Variants in NDUFA13 observed in about 807,000 individuals in gnomAD.
NDUFA13 encodes NADH dehydrogenase [ubiquinone] 1 alpha subcomplex subunit 13.
Under a neutral mutation model 17.0 loss-of-function variants are expected in NDUFA13, and 16 were observed. The ratio of observed to expected loss-of-function variants is 0.94; its 90% CI spans 0.64 to 1.43. The LOEUF is 1.43. Ranked by LOEUF, NDUFA13 falls within the 40% of genes most tolerant of loss-of-function variation. NDUFA13 has a pLI of 0.00. For missense variants in NDUFA13, 228 were observed against 206.7 expected (o/e 1.10, Z -0.63); for synonymous variants, 87 against 78.4 (o/e 1.11, Z -0.58).
intron 3 of NDUFA13, 164 bp downstream of exon 3, chr19:19,527,516 C>T (rs1047942738): frequency 1.7e-4 from 173 of 1,013,450 alleles, no homozygotes; most frequent in Non-Finnish European, 2.4e-4. Flanking sequence ...CCCAAGGGGG[C>T]GAACCGGAAG....
At chr19:19,523,262 C>T (rs2061086305) in intron 1 of NDUFA13, among the ~76,000 whole-genome samples, 1 of 152,158 alleles carries the variant, frequency 6.6e-6, no homozygotes, top group Non-Finnish European at 1.5e-5. Flanking sequence ...TTCTTGAACA[C>T]AGGATGGGTT....
At chr19:19,518,667 G>C (rs1228829223) in intron 1 of NDUFA13, among the ~76,000 whole-genome samples, 1 of 147,528 alleles carries the variant, frequency 6.8e-6, no homozygotes, top group Middle Eastern at 3.4e-3. Flanking sequence ...AGGTTCAAGC[G>C]ATTCTCCTCC....
chr19:19,520,334 G>A (rs1009912470), intron 1 of NDUFA13, among the ~76,000 whole-genome samples: 3 of 152,100 alleles, frequency 2.0e-5, no homozygotes, highest in Non-Finnish European at 2.9e-5. Flanking sequence ...CCCATTTAAA[G>A]TCTGTCCAAT....
chr19:19,518,516 C>A (rs370927450), intron 1 of NDUFA13, among the ~76,000 whole-genome samples: 15 of 150,982 alleles, frequency 9.9e-5, no homozygotes, highest in African/African-American at 3.2e-4. Flanking sequence ...ATTGCAGGCA[C>A]GACCCACCAC....
chr19:19,519,685 G>A (rs1234328627), intron 1 of NDUFA13, among the ~76,000 whole-genome samples: 1 of 152,108 alleles, frequency 6.6e-6, no homozygotes. Context: ...GATAACCTGG[G>A]CCCACTTAAG....
In NDUFA13 at chr19:19,516,349, G is replaced by T; in HGVS notation, c.94+17G>T. 1.9e-6 allele frequency: 3 copies of T among 1,612,844 alleles called. No homozygotes were observed. The highest frequency in any genetic ancestry group is 4.5e-5 in the East Asian group (2 of 44,888). ...GACTGTCGGGTCAGTATCACTCTGC[G>T]CCGGGGTCTCAGAGTCTGGGCACTC... On this transcript the variant is annotated intron_variant, in intron 1 of 4. Coordinates refer to ENST00000507754, the MANE Select transcript of NDUFA13 (RefSeq NM_015965.7).
rs189914773 is a variant in NDUFA13, at chr19:19,516,615, C to T, written c.94+283C>T. Among the ~76,000 whole-genome samples the T allele has an allele frequency of 2.1e-3, 324 of 152,312 alleles. 2 individuals are homozygous for T. The highest frequency in any genetic ancestry group is 0.016 in the South Asian group (78 of 4,832). ...AGCCTGTGCTCTGGCCCTCAGCCAC[C>T]CTTGGATTTCTAAGATGGGGAAACT... On this transcript the variant is annotated intron_variant, in intron 1 of 4. Coordinates refer to ENST00000507754, the MANE Select transcript of NDUFA13 (RefSeq NM_015965.7).
chr19:19,520,124 A>G (rs1463366628), intron 1 of NDUFA13, among the ~76,000 whole-genome samples: 1 of 151,698 alleles, frequency 6.6e-6, no homozygotes, highest in Non-Finnish European at 1.5e-5. Flanking sequence ...GATTACAGGC[A>G]TGAGCCACTG....
intron 2 of NDUFA13, chr19:19,526,531 A>C (rs903606844): frequency 6.0e-6 from 3 of 503,836 alleles, no homozygotes; most frequent in Non-Finnish European, 1.1e-5. Context: ...CAGCCTGGGC[A>C]ACAGAGGGAA....
chr19:19,527,263 G>A lies in NDUFA13; in HGVS notation c.174-18G>A. ...CCTAGCCTGGTCTGACCTGAGTGTG[G>A]GTTTCGGGCTTTCACAGGCGCCTAC... On this transcript the variant is annotated intron_variant, in intron 2 of 4. Transcript: ENST00000507754. The A allele has an allele frequency of 6.2e-7, 1 of 1,613,916 alleles. No individual in the cohort carries two copies. Among genetic ancestry groups the A allele is most frequent in the East Asian group, 2.2e-5 (1 of 44,876 alleles).
intron 3 of NDUFA13, 146 bp from the exon 4 acceptor site, chr19:19,527,555 G>A (rs138626875): frequency 3.1e-5 from 29 of 937,776 alleles, no homozygotes; most frequent in African/African-American, 6.5e-5. Context: ...CAGCACTGGG[G>A]TTGGGGCAAG....
At chr19:19,522,477 C>CT (rs3067694) in intron 1 of NDUFA13, among the ~76,000 whole-genome samples, 4,518 of 94,902 alleles carry the variant, frequency 0.048, 390 homozygotes, top group Non-Finnish European at 0.059. Flanking sequence ...GTCTTTGATC[C>CT]TTTTTTTTTT....
chr19:19,517,393 A>G (rs960501351), intron 1 of NDUFA13, among the ~76,000 whole-genome samples: 2 of 151,166 alleles, frequency 1.3e-5, no homozygotes, highest in Admixed American at 6.6e-5. Context: ...TGTATTTTCT[A>G]TAGAGATGGG....
chr19:19,524,824 A>AAAAAG (rs1388295941), intron 1 of NDUFA13, among the ~76,000 whole-genome samples: 1 of 152,114 alleles, frequency 6.6e-6, no homozygotes, highest in Non-Finnish European at 1.5e-5. Context: ...ATTAATTAAA[A>AAAAAG]AAAAGAAAAG....
chr19:19,526,928 C>T (rs1443588781), intron 2 of NDUFA13, among the ~76,000 whole-genome samples: 2 of 152,202 alleles, frequency 1.3e-5, no homozygotes, highest in African/African-American at 4.8e-5. Flanking sequence ...ATGAAGGGGA[C>T]GTGGTTTTGT....
At chr19:19,516,463 G>T (rs1156932942) in intron 1 of NDUFA13, 131 bp downstream of exon 1, 2 of 952,774 alleles carry the variant, frequency 2.1e-6, no homozygotes, top group African/African-American at 3.2e-5. Flanking sequence ...ATCCATCATA[G>T]CTTCTGTAAT....
At position 19,526,289 on chromosome 19, in the gene NDUFA13, AG is replaced by A. The variant is rs754630617; in HGVS notation, c.173+30del. 2.1e-5 allele frequency: 34 copies of A among 1,612,558 alleles called. 1 individual carries two copies. In the South Asian group the frequency reaches 3.6e-4, roughly 17 times the overall value. ...GGGCCCCTGGTGGGCGTTGTCTGAA[AG>A]TGCCCCCCCGGCGAGTTGTCGGGGT... On this transcript the variant is annotated intron_variant, in intron 2 of 4. Coordinates refer to ENST00000507754, the MANE Select transcript of NDUFA13 (RefSeq NM_015965.7).
intron 2 of NDUFA13, chr19:19,526,684 A>G (rs2061101161): frequency 3.1e-6 from 1 of 326,544 alleles, no homozygotes; most frequent in Non-Finnish European, 6.0e-6. Flanking sequence ...CTCAAACCAG[A>G]CCACACCAGG....
At position 19,522,477 on chromosome 19, in the gene NDUFA13, C is replaced by CTTTTTTTTTTTTTTTTT. The variant is rs3067694; in HGVS notation, c.95-3702_95-3686dup. Among the ~76,000 whole-genome samples the CTTTTTTTTTTTTTTTTT allele has an allele frequency of 5.4e-4, 51 of 95,004 alleles. 6 individuals are homozygous for CTTTTTTTTTTTTTTTTT. Among genetic ancestry groups the CTTTTTTTTTTTTTTTTT allele is most frequent in the South Asian group, 8.3e-4 (2 of 2,402 alleles). The allele number at this position is 95,004 out of a possible 152,430, so 62.3% of individuals were successfully genotyped here. On this transcript the variant is annotated intron_variant, in intron 1 of 4. Coordinates refer to ENST00000507754, the MANE Select transcript of NDUFA13 (RefSeq NM_015965.7). Reference sequence around the variant, plus strand: ...AGCTCTTACGCTTAGGTCTTTGATCCTTTTTTTTTTTTTTTTTTTGAGATG... The same window carrying CTTTTTTTTTTTTTTTTT: ...AGCTCTTACGCTTAGGTCTTTGATCCTTTTTTTTTTTTTTTTTTTTTTTTTTTTTTTTTTTTGAGATG...
Sources: gnomAD v4.1 joint callset for allele counts (sites outside exome capture counted in the v4.1 genomes callset) on GRCh38, gnomAD v4.1.1 for gene constraint, MANE v1.5 for transcripts, NCBI Gene and HGNC (gene_info 2026-07-23, HGNC 2026-07-21) for gene names.